ATRX: variants seen among roughly 807,000 people sequenced by gnomAD.
ATRX encodes chromatin remodeler ATRX.
In ATRX, 12 loss-of-function variants were observed where a neutral mutation model predicts 172.6. The ratio of observed to expected loss-of-function variants is 0.07; its 90% CI spans 0.04 to 0.11. ATRX has a LOEUF of 0.11. Among genes scored for constraint, ATRX ranks in the 10% least tolerant of loss-of-function variants. The probability of loss-of-function intolerance (pLI) is 1.00; values close to 1 mark genes in which losing one functional copy is unlikely to be tolerated. For synonymous variants in ATRX, 674 were observed against 594.7 expected (o/e 1.13, Z -1.94); for missense variants, 1,368 against 1,767.4 (o/e 0.77, Z 4.05).
chrX:77,564,797 A>T (rs1429757198), intron 28 of ATRX, among the ~76,000 whole-genome samples: 19 of 111,485 alleles, frequency 1.7e-4, no homozygotes, highest in Non-Finnish European at 3.8e-5. Flanking sequence ...AAGGACCAGG[A>T]AAGGGGCAGC....
chrX:77,663,613 A>G (rs2070051628), intron 11 of ATRX, 55 bp from the exon 12 acceptor site: 1 of 1,068,715 alleles, frequency 9.4e-7, no homozygotes, highest in Non-Finnish European at 1.3e-6. Flanking sequence ...AATGCCTCGT[A>G]TATCTATTTT....
At chrX:77,593,229 GAA>G (rs781904850) in intron 26 of ATRX, among the ~76,000 whole-genome samples, 7 of 55,139 alleles carry the variant, frequency 1.3e-4, no homozygotes, top group Admixed American at 2.3e-4. Flanking sequence ...GTCTCATAAT[GAA>G]AAAAAAAAAA....
At chrX:77,715,302 C>T (rs2073319335) in intron 2 of ATRX, among the ~76,000 whole-genome samples, 1 of 111,600 alleles carries the variant, frequency 9.0e-6, no homozygotes, top group Admixed American at 9.5e-5. Flanking sequence ...CAAATATTTA[C>T]CATTGTGTTC....
At chrX:77,514,640 G>A (rs943039912) in intron 34 of ATRX, among the ~76,000 whole-genome samples, 15 of 111,824 alleles carry the variant, frequency 1.3e-4, no homozygotes, top group African/African-American at 2.6e-4. Context: ...ATGTAAACCC[G>A]AAAACTATAA....
At chrX:77,636,807 AAGGAGGAGG>A (rs1352333020) in intron 15 of ATRX, among the ~76,000 whole-genome samples, 1 of 105,637 alleles carries the variant, frequency 9.5e-6, no homozygotes, top group Non-Finnish European at 1.9e-5. Context: ...GAGAAGGAAG[AAGGAGGAGG>A]AGGAGGAAGC....
chrX:77,508,433 CCACCAGCCACTGGCTGATA>C lies in ATRX; in HGVS notation c.7378_7396del (p.Tyr2460ValfsTer14). 1 of 1,210,812 alleles carries C rather than the reference CCACCAGCCACTGGCTGATA, an allele frequency of 8.3e-7. No homozygotes were observed. The highest frequency in any genetic ancestry group is 1.1e-6 in the Non-Finnish European group (1 of 894,650). ...ACGCTGTAATGGTGGTGGCTGCATA[CCACCAGCCACTGGCTGATA>C]CATTCCTCTCATATCAATCTGCTGG... On this transcript the variant is annotated frameshift_variant, in exon 35 of 35. Transcript: ENST00000373344. LOFTEE classifies it high-confidence loss of function.
At position 77,521,324 on chromosome X, in the gene ATRX, T is replaced by G. The variant is rs971041156; in HGVS notation, c.7071+79A>C. 2.1e-5 allele frequency: 16 copies of G among 778,408 alleles called. No homozygotes were observed. The Admixed American group carries it at 3.5e-4, about 17-fold the overall frequency. 64.1% of individuals were successfully genotyped at this position (778,408 alleles called of 1,213,427 possible). On this transcript the variant is annotated intron_variant, in intron 33 of 34. Transcript: ENST00000373344. ...AAATCAATTTATAAGAAGGAACAAT[T>G]AAAAATTTAAAAAAATGGCAGTAGG...
chrX:77,667,292 AAT>A (rs1365209662), intron 10 of ATRX, among the ~76,000 whole-genome samples: 1 of 62,742 alleles, frequency 1.6e-5, no homozygotes, highest in African/African-American at 5.8e-5. Flanking sequence ...GGGACGAATA[AAT>A]ATGTGTGTGT....
At chrX:77,592,743 C>T (rs898291532) in intron 26 of ATRX, among the ~76,000 whole-genome samples, 3 of 104,999 alleles carry the variant, frequency 2.9e-5, no homozygotes, top group Admixed American at 1.0e-4. Context: ...ACCTGGGAGG[C>T]GGAGGTTGCG....
chrX:77,741,990 T>C lies in ATRX; in HGVS notation c.21-24747A>G, dbSNP rs1248813010. 6.3e-5 allele frequency among the ~76,000 whole-genome samples: 7 copies of C among 111,564 alleles called. No individual in the cohort carries two copies. In the Admixed American group the frequency reaches 6.7e-4, roughly 11 times the overall value. ...ATATGGTGCAAGATAGGGGCCCAAC[T>C]TAATTGTTCCATGTACATATAGAGG... On this transcript the variant is annotated intron_variant, in intron 1 of 34. Transcript: ENST00000373344.
Position 77,654,217 on chromosome X carries a change from ACAC to A in ATRX, c.4215-20_4215-18del, listed in dbSNP as rs1188376416. On this transcript the variant is annotated intron_variant, in intron 13 of 34. Coordinates refer to ENST00000373344, the MANE Select transcript of ATRX (RefSeq NM_000489.6). The stretch of plus-strand genomic sequence containing the variant: ...TTTGCAGACCTGACGAAAATTTAAA[ACAC>A]AAAATAAAATATTTCATGATAAACT... 16 of 1,143,316 alleles carry A rather than the reference ACAC, an allele frequency of 1.4e-5. No homozygotes were observed. The highest frequency in any genetic ancestry group is 1.9e-5 in the Non-Finnish European group (16 of 835,595). The allele number at this position is 1,143,316 out of a possible 1,213,427, so 94.2% of individuals were successfully genotyped here. A position where few individuals can be genotyped will look rare whatever the true frequency, so the allele number is the denominator to read the frequency against.
chrX:77,616,054 A>G (rs2067345794), intron 22 of ATRX: 1 of 753,853 alleles, frequency 1.3e-6, no homozygotes. Context: ...TGGTAAAACA[A>G]AAACTATTCA....
chrX:77,651,419 T>G (rs186829911), intron 15 of ATRX, among the ~76,000 whole-genome samples: 6 of 111,170 alleles, frequency 5.4e-5, no homozygotes, highest in Admixed American at 2.9e-4. Context: ...GAAACATTTC[T>G]CTACCCAAAA....
At chrX:77,701,872 C>G (rs2072540838) in intron 2 of ATRX, among the ~76,000 whole-genome samples, 1 of 110,621 alleles carries the variant, frequency 9.0e-6, no homozygotes. Context: ...TCAAGACCAG[C>G]CTAGCCAACA....
Position 77,767,236 on chromosome X carries a change from GGAGAGGGA to G in ATRX, c.20+18738_20+18745del, listed in dbSNP as rs1174246575. 1.6e-3 allele frequency among the ~76,000 whole-genome samples: 165 copies of G among 103,167 alleles called. 1 individual carries two copies. Among genetic ancestry groups the G allele is most frequent in the African/African-American group, 2.5e-3 (72 of 28,372 alleles). The allele number at this position is 103,167 out of a possible 115,157, so 89.6% of individuals were successfully genotyped here. A position where few individuals can be genotyped will look rare whatever the true frequency, so the allele number is the denominator to read the frequency against. ...AAAGAGAGGGAGAGGGAGACCGTGG[GGAGAGGGA>G]GAGAGGGAGAGAGGGAGAGAGGGAG... On this transcript the variant is annotated intron_variant, in intron 1 of 34. Coordinates refer to ENST00000373344, the MANE Select transcript of ATRX (RefSeq NM_000489.6).
intron 12 of ATRX, among the ~76,000 whole-genome samples, chrX:77,659,524 C>CACAG (rs781808344): frequency 1.3e-3 from 129 of 98,321 alleles, no homozygotes; most frequent in Middle Eastern, 5.2e-3. Flanking sequence ...CACACACACA[C>CACAG]AGGCAGACAC....
chrX:77,600,581 T>C lies in ATRX; in HGVS notation c.5567-17A>G. The C allele has an allele frequency of 7.4e-6, 9 of 1,208,548 alleles. No homozygotes were observed. The highest frequency in any genetic ancestry group is 1.0e-5 in the Non-Finnish European group (9 of 893,162). On this transcript the variant is annotated splice_polypyrimidine_tract_variant and intron_variant, in intron 22 of 34. Coordinates refer to ENST00000373344, the MANE Select transcript of ATRX (RefSeq NM_000489.6). ...TGCCCACACCTGATCAAAAGAAATA[T>C]GGTTAAAGACACAAAAATTGTCTAT...
chrX:77,717,414 T>C (rs1159873468), intron 1 of ATRX, among the ~76,000 whole-genome samples, 171 bp from the exon 2 acceptor site: 1 of 109,754 alleles, frequency 9.1e-6, no homozygotes, highest in African/African-American at 3.3e-5. Context: ...AAAGAAAAAA[T>C]ATTAAAGAAA....
At chrX:77,586,529 AGATAT>A (rs2066029566) in intron 27 of ATRX, among the ~76,000 whole-genome samples, 1 of 112,167 alleles carries the variant, frequency 8.9e-6, no homozygotes, top group African/African-American at 3.2e-5. Context: ...AACAAATACA[AGATAT>A]CATTATTCAT....
Sources: allele counts gnomAD v4.1 joint callset (sites outside exome capture counted in the v4.1 genomes callset), GRCh38; gene constraint gnomAD v4.1.1; transcripts MANE v1.5; gene names NCBI Gene and HGNC (gene_info 2026-07-23, HGNC 2026-07-21).